Variants in DCLRE1C observed in about 807,000 individuals in gnomAD.
DCLRE1C encodes protein artemis.
DCLRE1C carries 47 observed loss-of-function variants against 61.4 expected under a neutral mutation model. The observed-to-expected ratio is 0.77, with a 90% CI of 0.61 to 0.98. The LOEUF is 0.98. DCLRE1C is among the 50% of genes least tolerant of loss of function. DCLRE1C has a pLI of 0.00. For synonymous variants in DCLRE1C, 337 were observed against 287.6 expected (o/e 1.17, Z -1.74); for missense variants, 858 against 816.0 (o/e 1.05, Z -0.63).
intron 2 of DCLRE1C, among the ~76,000 whole-genome samples, chr10:14,947,982 A>G (rs972441416): frequency 1.3e-5 from 2 of 152,172 alleles, no homozygotes; most frequent in Non-Finnish European, 2.9e-5. Flanking sequence ...TCACTCGAAA[A>G]GAAGTTGCAG....
Position 14,934,708 on chromosome 10 carries a change from T to C in DCLRE1C, c.532A>G (p.Ser178Gly). 6.2e-7 allele frequency: 1 copy of C among 1,613,976 alleles called. No homozygotes were observed. The highest frequency in any genetic ancestry group is 1.1e-5 in the South Asian group (1 of 91,078). The change falls in exon 7 of 14, where the codon AGT (serine) becomes GGT (glycine). Residue 178 changes from serine (S) to glycine (G), a missense_variant. Physicochemically the swap from Ser to Gly is moderately conservative, Grantham distance 56. This residue lies in a region of DCLRE1C where 843 missense variants were observed against 783.5 expected (regional missense o/e 1.08). Transcript: ENST00000378278. ...FCDPRFYQIP[S>G]REECLSGVLE... ...GTTCCTCCAGGCAGACTTACCCGAC[T>C]TGGAATTTGGTAAAATCTTGGATCA...
chr10:14,916,716 T>C (rs1377431821), intron 13 of DCLRE1C, among the ~76,000 whole-genome samples: 1 of 152,168 alleles, frequency 6.6e-6, no homozygotes, highest in Non-Finnish European at 1.5e-5. Context: ...TTACACAGAC[T>C]TATACGCTGG....
chr10:14,932,831 A>G, intron 9 of DCLRE1C, 23 bp downstream of exon 9: 1 of 1,611,662 alleles, frequency 6.2e-7, no homozygotes, highest in Non-Finnish European at 8.5e-7. Flanking sequence ...AAACAATACG[A>G]GAGGAATCAC....
intron 12 of DCLRE1C, among the ~76,000 whole-genome samples, chr10:14,921,701 T>G (rs1188387444): frequency 6.6e-6 from 1 of 152,132 alleles, no homozygotes; most frequent in African/African-American, 2.4e-5. Context: ...TGCTTACCCT[T>G]CCCTTTGCTC....
intron 12 of DCLRE1C, chr10:14,920,555 T>C: frequency 3.9e-6 from 1 of 258,586 alleles, no homozygotes; most frequent in South Asian, 1.4e-4. Context: ...TCTGGATCCA[T>C]CCCCTTCAAC....
chr10:14,913,336 G>T (rs772280721), intron 13 of DCLRE1C, among the ~76,000 whole-genome samples: 2 of 152,204 alleles, frequency 1.3e-5, no homozygotes, highest in Non-Finnish European at 2.9e-5. Context: ...GTACAATTCT[G>T]TTATACTAAC....
chr10:14,931,361 C>A (rs1838956390), intron 9 of DCLRE1C, among the ~76,000 whole-genome samples: 2 of 151,806 alleles, frequency 1.3e-5, no homozygotes, highest in Admixed American at 6.6e-5. Flanking sequence ...AGTTCGAGAC[C>A]AGCCTGGCCA....
At chr10:14,935,661 A>G (rs1459594124) in intron 5 of DCLRE1C, 97 bp from the exon 6 acceptor site, 1 of 1,184,290 alleles carries the variant, frequency 8.4e-7, no homozygotes, top group African/African-American at 1.5e-5. Flanking sequence ...TCCTGCAAAC[A>G]TATCCATTAC....
downstream of DCLRE1C, among the ~76,000 whole-genome samples, chr10:14,902,178 A>G (rs1834072239): frequency 6.6e-6 from 1 of 152,230 alleles, no homozygotes; most frequent in African/African-American, 2.4e-5. Context: ...AACCCACACC[A>G]TCCTTTCAAG....
At chr10:14,954,142 C>T, upstream of DCLRE1C, 2 of 1,492,942 alleles carry the variant, frequency 1.3e-6, no homozygotes, top group South Asian at 2.4e-5. Context: ...CACGTCCAAT[C>T]AGAGGAGTCC....
chr10:14,940,442 C>T (rs1169552102), intron 3 of DCLRE1C, among the ~76,000 whole-genome samples: 2 of 152,092 alleles, frequency 1.3e-5, no homozygotes, highest in Non-Finnish European at 2.9e-5. Flanking sequence ...GCGCCCGCTA[C>T]TACGCAAGGC....
Position 14,938,146 on chromosome 10 carries a change from T to C in DCLRE1C, c.307-1553A>G, listed in dbSNP as rs7916002. On this transcript the variant is annotated intron_variant, in intron 4 of 13. Transcript: ENST00000378278. ...TGGTTGGAGCTGGATAAACAATGCATAAAAGTCATGGCACACAGGAAGAAA... is the reference window on the plus strand; with the variant it reads ...TGGTTGGAGCTGGATAAACAATGCACAAAAGTCATGGCACACAGGAAGAAA... Among the ~76,000 whole-genome samples the C allele has an allele frequency of 7.6e-3, 1,147 of 151,468 alleles. 15 individuals carry two copies. Among genetic ancestry groups the C allele is most frequent in the African/African-American group, 0.027 (1,091 of 40,906 alleles).
Position 14,949,000 on chromosome 10 carries a change from T to C in DCLRE1C, c.161+36A>G, listed in dbSNP as rs573722373. 16 of 1,471,430 alleles carry C rather than the reference T, an allele frequency of 1.1e-5. No homozygotes were observed. In the South Asian group the frequency reaches 1.7e-4, roughly 16 times the overall value. The allele number at this position is 1,471,430 out of a possible 1,614,324, so 91.1% of individuals were successfully genotyped here. A position where few individuals can be genotyped will look rare whatever the true frequency, so the allele number is the denominator to read the frequency against. On this transcript the variant is annotated intron_variant, in intron 2 of 13. Coordinates refer to ENST00000378278, the MANE Select transcript of DCLRE1C (RefSeq NM_001033855.3). Reference sequence around the variant, plus strand: ...TACAGTTGTTATCTCTCAATTAAAATGTTTGCTTAAAAACACAAGTAGCAA... The same window carrying C: ...TACAGTTGTTATCTCTCAATTAAAACGTTTGCTTAAAAACACAAGTAGCAA...
Position 14,935,552 on chromosome 10 carries a change from C to G in DCLRE1C, c.375G>C (p.Gln125His), listed in dbSNP as rs150951839. The G allele has an allele frequency of 4.3e-6, 7 of 1,614,028 alleles. No homozygotes were observed. The highest frequency in any genetic ancestry group is 5.9e-6 in the Non-Finnish European group (7 of 1,179,948). Residue 125 changes from glutamine to histidine, a missense_variant, in exon 6 of 14, where the codon CAG becomes CAC. Physicochemically the swap from Gln to His is conservative, Grantham distance 24. Around this residue, in one of 2 missense-constraint regions of DCLRE1C, gnomAD observed 843 missense variants for 783.5 expected, o/e 1.08. Transcript: ENST00000378278. The part of the protein sequence containing the change: ...HCPGSVMFLF[Q>H]GNNGTVLYTG... ...TGTACAGGACAGTTCCATTATTGCC[C>G]TGAAATAAAAACCTGAAAAAGAAAT...
At chr10:14,925,471 A>G (rs1372995827) in intron 11 of DCLRE1C, among the ~76,000 whole-genome samples, 1 of 152,204 alleles carries the variant, frequency 6.6e-6, no homozygotes, top group Non-Finnish European at 1.5e-5. Flanking sequence ...ATGCTGAATT[A>G]GCAAATACTG....
chr10:14,926,836 C>T lies in DCLRE1C; in HGVS notation c.972+7G>A, dbSNP rs1838075509. On this transcript the variant is annotated splice_region_variant and intron_variant, in intron 11 of 13. Transcript: ENST00000378278. ...ATAAGGGTTATGAGTATATGGGATC[C>T]TCTTACCTCACTGTAGGAGGAGTGA... The T allele has an allele frequency of 1.2e-6, 2 of 1,611,518 alleles. No individual in the cohort carries two copies. The highest frequency in any genetic ancestry group is 1.1e-5 in the South Asian group (1 of 91,030).
intron 13 of DCLRE1C, among the ~76,000 whole-genome samples, chr10:14,910,819 CAG>C (rs1275024663): frequency 6.6e-6 from 1 of 152,086 alleles, no homozygotes; most frequent in Non-Finnish European, 1.5e-5. Context: ...AACGAAAAAT[CAG>C]AAACTATCTC....
chr10:14,939,678 TTCAA>T, intron 4 of DCLRE1C, 128 bp downstream of exon 4: 1 of 778,098 alleles, frequency 1.3e-6, no homozygotes, highest in Admixed American at 2.8e-5. Flanking sequence ...TAAATGAGCA[TTCAA>T]AATCAAAGAG....
intron 1 of DCLRE1C, among the ~76,000 whole-genome samples, chr10:14,951,877 T>G (rs4750566): frequency 0.68 from 103,478 of 151,958 alleles, 35,588 homozygotes; most frequent in Non-Finnish European, 0.73. Flanking sequence ...ATGAATTTTG[T>G]GGAGATAGTC....
Sources: allele counts gnomAD v4.1 joint callset (sites outside exome capture counted in the v4.1 genomes callset), GRCh38; gene constraint gnomAD v4.1.1; regional missense constraint gnomAD v4.1.1; transcripts MANE v1.5; gene names NCBI Gene and HGNC (gene_info 2026-07-23, HGNC 2026-07-21).